Variants in SFMBT2 observed in about 807,000 individuals in gnomAD.
SFMBT2 encodes Scm like with four mbt domains 2.
A neutral mutation model predicts 110.1 loss-of-function variants in SFMBT2; 38 were observed. The observed-to-expected ratio is 0.35, with a 90% CI of 0.27 to 0.45. The LOEUF (loss-of-function observed/expected upper bound fraction) is 0.45, where lower values mean the gene tolerates loss of function less well. SFMBT2 is among the 20% of genes least tolerant of loss of function. The pLI, the probability that SFMBT2 is intolerant of heterozygous loss-of-function variation, is 1.00. For missense variants in SFMBT2, 1,011 were observed against 1,094.9 expected (o/e 0.92, Z 1.08); for synonymous variants, 425 against 425.4 (o/e 1.00, Z 0.01).
intron 9 of SFMBT2, among the ~76,000 whole-genome samples, chr10:7,234,870 C>G (rs1284234609): frequency 2.0e-5 from 3 of 152,224 alleles, no homozygotes; most frequent in Non-Finnish European, 4.4e-5. Flanking sequence ...CAGACAACAG[C>G]CTGGTTCAAG....
chr10:7,356,644 C>A (rs1182522343), intron 4 of SFMBT2, among the ~76,000 whole-genome samples: 1 of 152,208 alleles, frequency 6.6e-6, no homozygotes, highest in Non-Finnish European at 1.5e-5. Context: ...AACTCCTGGC[C>A]TCAAGTGATC....
At chr10:7,246,231 T>C in intron 8 of SFMBT2, 1 of 911,486 alleles carries the variant, frequency 1.1e-6, no homozygotes, top group Non-Finnish European at 1.3e-6. Context: ...AGTTTAGAAA[T>C]CAGTAAAAAT....
rs957596336 is a variant in SFMBT2 at position 7,301,837 on chromosome 10, G to C, written c.437-15883C>G. On this transcript the variant is annotated intron_variant, in intron 4 of 20. Transcript: ENST00000397167. The surrounding 1 kb of genome is among the most constrained non-coding windows in gnomAD (Gnocchi z 4.2). ...GAGAACTGCGTGGCTCTAGACTATCGAAGGGGAAAAAAAACCACTGGTGTA... is the reference window on the plus strand; with the variant it reads ...GAGAACTGCGTGGCTCTAGACTATCCAAGGGGAAAAAAAACCACTGGTGTA... Among the ~76,000 whole-genome samples the C allele has an allele frequency of 6.6e-6, 1 of 151,918 alleles. No homozygotes were observed. The highest frequency in any genetic ancestry group is 2.1e-4 in the South Asian group (1 of 4,814).
chr10:7,222,874 G>A (rs904982917), intron 10 of SFMBT2, among the ~76,000 whole-genome samples: 2 of 152,080 alleles, frequency 1.3e-5, no homozygotes, highest in African/African-American at 4.8e-5. Context: ...GTTTCACCAT[G>A]TTGGCCAGGC....
chr10:7,257,248 CT>C (rs1401411781), intron 7 of SFMBT2, among the ~76,000 whole-genome samples: 2 of 152,144 alleles, frequency 1.3e-5, no homozygotes, highest in Non-Finnish European at 2.9e-5. Flanking sequence ...TTATGTCTCA[CT>C]TTTTTCACTT....
intron 16 of SFMBT2, 70 bp downstream of exon 16, chr10:7,188,554 G>T (rs1222123119): frequency 1.7e-6 from 2 of 1,208,142 alleles, no homozygotes; most frequent in African/African-American, 1.5e-5. Context: ...ACAAAGAGAA[G>T]TGGCAAGGTT....
intron 14 of SFMBT2, 98 bp downstream of exon 14, chr10:7,200,316 G>A (rs1838911092): frequency 3.2e-6 from 3 of 936,172 alleles, no homozygotes; most frequent in Middle Eastern, 2.3e-4. Flanking sequence ...TAGGCTCAAC[G>A]TTGAGATGTA....
Position 7,201,826 on chromosome 10 carries a change from A to AG in SFMBT2, c.1487+653_1487+654insC, listed in dbSNP as rs141365130. ...CACCCTCTTTCCACATAAAGTCACA[A>AG]TTGAAATGGGGGACACCCTGTTTCC... On this transcript the variant is annotated intron_variant, in intron 13 of 20. Transcript: ENST00000397167. Among the ~76,000 whole-genome samples, 876 of 152,340 alleles carry AG rather than the reference A, an allele frequency of 5.8e-3. 9 individuals carry two copies. The highest frequency in any genetic ancestry group is 0.02 in the African/African-American group (834 of 41,576).
chr10:7,394,666 G>A (rs1845875418), intron 1 of SFMBT2, among the ~76,000 whole-genome samples: 1 of 151,928 alleles, frequency 6.6e-6, no homozygotes, highest in African/African-American at 2.4e-5. Context: ...CATTTTCTAT[G>A]TATTTATCAC....
chr10:7,349,447 T>C (rs1453765052), intron 4 of SFMBT2, among the ~76,000 whole-genome samples: 2,866 of 119,572 alleles, frequency 0.024, 37 homozygotes, highest in Non-Finnish European at 0.04. Flanking sequence ...TTTCTTTTTT[T>C]TTTTTTTTTT....
chr10:7,170,941 A>G lies in SFMBT2; in HGVS notation c.2531T>C (p.Ile844Thr). ...CAACCACCGTACCTGCTCCTGAAAT[A>G]TCTTGGCCAAGGGGGCACAGTCTGT... The part of the protein sequence containing the change: ...KLTDCAPLAK[I>T]FQEQDIDGQA... The change falls in exon 20 of 21, where the codon ATA becomes ACA. Residue 844 changes from isoleucine (I) to threonine (T), a missense_variant. By Grantham distance (89) the Ile-to-Thr change is moderately conservative. Transcript: ENST00000397167. The surrounding 1 kb of genome is among the most constrained non-coding windows in gnomAD (Gnocchi z 4.6). The G allele has an allele frequency of 3.1e-6, 5 of 1,614,154 alleles. No individual in the cohort carries two copies. The highest frequency in any genetic ancestry group is 3.4e-6 in the Non-Finnish European group (4 of 1,180,004).
At chr10:7,410,552 G>A (rs1374072366) in intron 1 of SFMBT2, among the ~76,000 whole-genome samples, 3 of 152,150 alleles carry the variant, frequency 2.0e-5, no homozygotes, top group Admixed American at 6.5e-5. Context: ...TTCCGAGCCC[G>A]GAGACGCAGG....
intron 7 of SFMBT2, among the ~76,000 whole-genome samples, chr10:7,255,713 G>T (rs1444025071): frequency 6.6e-6 from 1 of 152,172 alleles, no homozygotes; most frequent in South Asian, 2.1e-4. Context: ...GGTTTCATCA[G>T]CTTTATTCCC....
At chr10:7,228,733 TTCCTTTCTCTC>T (rs1564395361) in intron 9 of SFMBT2, among the ~76,000 whole-genome samples, 142 of 70,408 alleles carry the variant, frequency 2.0e-3, no homozygotes, top group African/African-American at 6.6e-3. Context: ...CTTTCTTTCT[TTCCTTTCTCTC>T]TCTCTCTCTC....
intron 2 of SFMBT2, among the ~76,000 whole-genome samples, chr10:7,371,730 T>C (rs1845069996): frequency 1.3e-5 from 2 of 152,154 alleles, no homozygotes; most frequent in Non-Finnish European, 2.9e-5. Context: ...TAATGTCCAA[T>C]GGATGCTGAT....
chr10:7,355,790 C>A (rs983325879), intron 4 of SFMBT2, among the ~76,000 whole-genome samples: 1 of 151,988 alleles, frequency 6.6e-6, no homozygotes, highest in Non-Finnish European at 1.5e-5. Flanking sequence ...CCAGCCTGGG[C>A]GACAAGGTGC....
intron 10 of SFMBT2, among the ~76,000 whole-genome samples, chr10:7,222,666 C>G (rs1397938725): frequency 1.3e-5 from 2 of 151,812 alleles, no homozygotes; most frequent in Non-Finnish European, 2.9e-5. Context: ...GGGTTCAATC[C>G]CCATCTTCTT....
At chr10:7,249,562 A>T in intron 7 of SFMBT2, 5 of 985,366 alleles carry the variant, frequency 5.1e-6, no homozygotes, top group Non-Finnish European at 6.0e-6. Context: ...GGTGTGAAGT[A>T]CAAAAATATC....
At chr10:7,326,991 A>G (rs1262929872) in intron 4 of SFMBT2, among the ~76,000 whole-genome samples, 3 of 152,114 alleles carry the variant, frequency 2.0e-5, no homozygotes, top group Admixed American at 2.0e-4. Context: ...AAACATAGGG[A>G]TGTCGCCATG....
Sources: gnomAD v4.1 joint callset for allele counts (sites outside exome capture counted in the v4.1 genomes callset) on GRCh38, gnomAD v4.1.1 for gene constraint, Gnocchi (gnomAD v3.1) non-coding constraint, MANE v1.5 for transcripts, NCBI Gene and HGNC (gene_info 2026-07-23, HGNC 2026-07-21) for gene names.